Variants in GNB1 observed in about 807,000 individuals in gnomAD.
GNB1 encodes G protein subunit beta 1, also known as guanine nucleotide-binding protein G(I)/G(S)/G(T) subunit beta-1.
A neutral mutation model predicts 42.9 loss-of-function variants in GNB1; 2 were observed. That is an observed-to-expected ratio of 0.05 (90% CI 0.02 to 0.15). The LOEUF is 0.15. Ranked by LOEUF, GNB1 falls within the 10% of genes least tolerant of loss-of-function variation. The pLI is 1.00. For missense variants in GNB1, 193 were observed against 462.2 expected (o/e 0.42, Z 5.34); for synonymous variants, 183 against 174.7 (o/e 1.05, Z -0.38).
chr1:1,849,041 G>A (rs755186132), intron 1 of GNB1, among the ~76,000 whole-genome samples: 2 of 152,190 alleles, frequency 1.3e-5, no homozygotes, highest in Non-Finnish European at 2.9e-5. Flanking sequence ...GACATTAGAC[G>A]GTTGGGGTTT....
chr1:1,823,084 T>G (rs570412873), intron 3 of GNB1, among the ~76,000 whole-genome samples: 2 of 151,104 alleles, frequency 1.3e-5, no homozygotes, highest in South Asian at 4.2e-4. Flanking sequence ...CTACTAAAAG[T>G]ACAAAAAATT....
chr1:1,863,864 C>A (rs1648765978), intron 1 of GNB1, among the ~76,000 whole-genome samples: 1 of 152,104 alleles, frequency 6.6e-6, no homozygotes, highest in Non-Finnish European at 1.5e-5. Context: ...TAGGACAGAA[C>A]AATGTTTCTG....
intron 5 of GNB1, among the ~76,000 whole-genome samples, chr1:1,810,360 C>T (rs773528905): frequency 3.3e-5 from 5 of 151,284 alleles, no homozygotes; most frequent in Non-Finnish European, 5.9e-5. Flanking sequence ...CCACCGCGCC[C>T]GGCCCACAAA....
chr1:1,848,747 A>G (rs1647817711), intron 1 of GNB1, among the ~76,000 whole-genome samples: 1 of 152,240 alleles, frequency 6.6e-6, no homozygotes, highest in Non-Finnish European at 1.5e-5. Context: ...GTCAAGTGAT[A>G]GAAGAATTTT....
intron 7 of GNB1, 147 bp from the exon 8 acceptor site, chr1:1,793,458 C>T (rs1646507298): frequency 5.2e-6 from 3 of 578,614 alleles, no homozygotes; most frequent in African/African-American, 3.7e-5. Flanking sequence ...CCCATCTGTG[C>T]ACACAGCAGA....
rs1202314374 is a variant in GNB1 at position 1,807,487 on chromosome 1, AAAAAAAC to A, written c.204-956_204-950del. ...TGAAAAAAAAAAAAAAAAAAAAAAA[AAAAAAAC>A]AAACAGAAAGAACAAACCACTTTTA... is the stretch of plus-strand genomic sequence containing the variant. On this transcript the variant is annotated intron_variant, in intron 5 of 11. Transcript: ENST00000378609. Among the ~76,000 whole-genome samples, 88 of 147,190 alleles carry A rather than the reference AAAAAAAC, an allele frequency of 6.0e-4. 1 individual carries two copies. Among genetic ancestry groups the A allele is most frequent in the Middle Eastern group, 3.4e-3 (1 of 290 alleles).
intron 1 of GNB1, among the ~76,000 whole-genome samples, chr1:1,888,556 G>A (rs1022559357): frequency 1.3e-5 from 2 of 151,988 alleles, no homozygotes; most frequent in African/African-American, 2.4e-5. Context: ...CTGCCTTACC[G>A]GCTGGGCGCG....
intron 1 of GNB1, among the ~76,000 whole-genome samples, chr1:1,876,492 C>CGAGAGAGAGAGAGAGAGAGAGAGAGAGA (rs35226472): frequency 6.8e-6 from 1 of 147,832 alleles, no homozygotes; most frequent in African/African-American, 2.5e-5. Context: ...CATGTGCACA[C>CGAGAGAGAGAGAGAGAGAGAGAGAGAGA]GAGAGAGAGA....
chr1:1,866,332 T>C (rs1648938785), intron 1 of GNB1, among the ~76,000 whole-genome samples: 3 of 152,250 alleles, frequency 2.0e-5, no homozygotes, highest in South Asian at 4.1e-4. Context: ...CTTTGATACA[T>C]ATGTGCATAA....
chr1:1,819,700 G>A (rs934928612), intron 3 of GNB1, among the ~76,000 whole-genome samples: 6 of 107,222 alleles, frequency 5.6e-5, no homozygotes, highest in African/African-American at 1.5e-4. Context: ...TACTATGCCC[G>A]GCTAATTTTT....
intron 1 of GNB1, among the ~76,000 whole-genome samples, chr1:1,840,795 A>G (rs988508015): frequency 2.7e-4 from 41 of 152,390 alleles, no homozygotes; most frequent in African/African-American, 8.9e-4. Context: ...GAATGGTGAC[A>G]GAGATCACAA....
At chr1:1,867,293 T>C (rs1488143349) in intron 1 of GNB1, among the ~76,000 whole-genome samples, 1 of 152,104 alleles carries the variant, frequency 6.6e-6, no homozygotes, top group Non-Finnish European at 1.5e-5. Flanking sequence ...GTTTACAAAT[T>C]TGTGTTGGGC....
At chr1:1,806,831 G>A (rs1041988770) in intron 5 of GNB1, among the ~76,000 whole-genome samples, 5 of 152,066 alleles carry the variant, frequency 3.3e-5, no homozygotes, top group African/African-American at 9.7e-5. Flanking sequence ...AAAATTAGCC[G>A]GGCATGGTAG....
intron 5 of GNB1, among the ~76,000 whole-genome samples, chr1:1,813,331 G>A (rs1213870131): frequency 4.6e-5 from 7 of 151,516 alleles, no homozygotes; most frequent in East Asian, 1.9e-4. Context: ...GGCTGGTTTC[G>A]AACTCCTGAC....
At chr1:1,809,507 A>G (rs1486945237) in intron 5 of GNB1, among the ~76,000 whole-genome samples, 1 of 152,188 alleles carries the variant, frequency 6.6e-6, no homozygotes, top group Non-Finnish European at 1.5e-5. Flanking sequence ...AACATATTAA[A>G]CATTTAAAAT....
At chr1:1,835,675 T>C (rs2101110002) in intron 2 of GNB1, among the ~76,000 whole-genome samples, 1 of 152,228 alleles carries the variant, frequency 6.6e-6, no homozygotes, top group Non-Finnish European at 1.5e-5. Context: ...GTGCATGTTG[T>C]TACATGTACA....
chr1:1,834,763 G>C (rs1647122909), intron 2 of GNB1, among the ~76,000 whole-genome samples: 1 of 151,332 alleles, frequency 6.6e-6, no homozygotes, highest in Admixed American at 6.6e-5. Flanking sequence ...CCGCCTCCCG[G>C]GTTCATGCCA....
chr1:1,874,094 C>A (rs1649395672), intron 1 of GNB1, among the ~76,000 whole-genome samples: 1 of 152,208 alleles, frequency 6.6e-6, no homozygotes, highest in South Asian at 2.1e-4. Flanking sequence ...ATGCTGGCAG[C>A]AGCCTCGATC....
intron 5 of GNB1, among the ~76,000 whole-genome samples, chr1:1,815,357 G>C (rs1646839685): frequency 1.3e-5 from 2 of 152,204 alleles, no homozygotes; most frequent in African/African-American, 4.8e-5. Flanking sequence ...TCCTGAGCCA[G>C]GGCACTGACA....
Sources: allele counts gnomAD v4.1 joint callset (sites outside exome capture counted in the v4.1 genomes callset), GRCh38; gene constraint gnomAD v4.1.1; transcripts MANE v1.5; gene names NCBI Gene and HGNC (gene_info 2026-07-23, HGNC 2026-07-21).